CTSW: variants seen among roughly 807,000 people sequenced by gnomAD.
The protein encoded by CTSW is cathepsin W, also known as lymphopain.
CTSW carries 42 observed loss-of-function variants against 43.8 expected under a neutral mutation model. The observed-to-expected ratio is 0.96, with a 90% CI of 0.75 to 1.24. The LOEUF (loss-of-function observed/expected upper bound fraction) is 1.24, where lower values mean the gene tolerates loss of function less well. CTSW is among the 50% of genes most tolerant of loss of function. The probability of loss-of-function intolerance (pLI) is 0.00; values close to 1 mark genes in which losing one functional copy is unlikely to be tolerated. For synonymous variants in CTSW, 191 were observed against 184.8 expected (o/e 1.03, Z -0.27); for missense variants, 475 against 479.9 (o/e 0.99, Z 0.09).
chr11:65,883,391 GA>G lies in CTSW; in HGVS notation c.989del (p.Lys330ArgfsTer39), dbSNP rs1565279140. The G allele has an allele frequency of 6.2e-7, 1 of 1,614,080 alleles. No individual in the cohort carries two copies. ...PPHPTPYWIL[K>X]NSWGAQWGEK... is the part of the protein sequence containing the mutation. ...CACACCCCACCCCATACTGGATCCT[GA>G]AGAACTCCTGGGGGGCCCAATGGGG... On this transcript the variant is annotated frameshift_variant, in exon 9 of 10. Transcript: ENST00000307886. LOFTEE classifies it low-confidence loss of function (END_TRUNC).
intron 5 of CTSW, 33 bp from the exon 6 acceptor site, chr11:65,882,576 C>A: frequency 6.2e-7 from 1 of 1,614,114 alleles, no homozygotes; most frequent in Non-Finnish European, 8.5e-7. Context: ...GGCCTAGGGG[C>A]CTGGTCACCC....
In CTSW at chr11:65,883,541, T is replaced by C. The variant is rs778018510; in HGVS notation, c.1054T>C (p.Cys352Arg). 7.4e-6 allele frequency: 12 copies of C among 1,614,080 alleles called. No individual in the cohort carries two copies. In the Admixed American group the frequency reaches 1.5e-4, roughly 20 times the overall value. Residue 352 changes from cysteine to arginine, a missense_variant, in exon 10 of 10, where the codon TGT becomes CGT. Transcript: ENST00000307886. Reference sequence around the variant, plus strand: ...CCGGCTGCACCGAGGGAGCAATACCTGTGGCATCACCAAGTTCCCGCTCAC... The same window carrying C: ...CCGGCTGCACCGAGGGAGCAATACCCGTGGCATCACCAAGTTCCCGCTCAC... ...YFRLHRGSNT[C>R]GITKFPLTAR...
chr11:65,883,183 A>C, intron 8 of CTSW, 32 bp from the exon 9 acceptor site: 3 of 1,613,578 alleles, frequency 1.9e-6, no homozygotes, highest in Non-Finnish European at 2.5e-6. Context: ...ACTTGGCCCC[A>C]CACTCAGCCC....
At chr11:65,881,911 G>A (rs1860110589) in intron 3 of CTSW, among the ~76,000 whole-genome samples, 2 of 152,214 alleles carry the variant, frequency 1.3e-5, no homozygotes, top group African/African-American at 4.8e-5. Flanking sequence ...AGCCTTCTAA[G>A]TAGCTGGGGC....
rs755545965 is a variant in CTSW at position 65,879,958 on chromosome 11, C to A, written c.87+17C>A. 1.2e-6 allele frequency: 2 copies of A among 1,601,278 alleles called. No individual in the cohort carries two copies. On this transcript the variant is annotated intron_variant, in intron 1 of 9. Coordinates refer to ENST00000307886, the MANE Select transcript of CTSW (RefSeq NM_001335.4). Reference sequence around the variant, plus strand: ...AGGGCCCAGGTAAGTGCTCCCAAACCCTTACCTATGCCAGTCCCACGCCTG... The same window carrying A: ...AGGGCCCAGGTAAGTGCTCCCAAACACTTACCTATGCCAGTCCCACGCCTG...
In CTSW at chr11:65,882,724, A is replaced by AG. The variant is rs772977511; in HGVS notation, c.619+40dup. On this transcript the variant is annotated intron_variant, in intron 6 of 9. Coordinates refer to ENST00000307886, the MANE Select transcript of CTSW (RefSeq NM_001335.4). ...CTGCCCCGCCACTCTGGACATCTGC[A>AG]GGGGGACAGGGTGGGCAGGAGCGGA... 3.1e-6 allele frequency: 5 copies of AG among 1,614,030 alleles called. No individual in the cohort carries two copies. In the East Asian group the frequency reaches 8.9e-5, roughly 29 times the overall value.
At chr11:65,881,374 G>C in intron 2 of CTSW, 33 bp from the exon 3 acceptor site, 1 of 1,493,230 alleles carries the variant, frequency 6.7e-7, no homozygotes, top group South Asian at 1.2e-5. Context: ...AAGGGCTTGG[G>C]AGTCAGCCTA....
rs1413276270 is a variant in CTSW, at chr11:65,882,542, G to A, written c.538+16G>A. On this transcript the variant is annotated intron_variant, in intron 5 of 9. Transcript: ENST00000307886. ...TCCGTGCAGGGTAGGGTTGGGAGAG[G>A]GTGCGCGTGTGACAGGGGAGGGAGG... 6.2e-7 allele frequency: 1 copy of A among 1,614,002 alleles called. No homozygotes were observed. The highest frequency in any genetic ancestry group is 8.5e-7 in the Non-Finnish European group (1 of 1,179,976).
At chr11:65,881,874 AGAC>A (rs1361295471) in intron 3 of CTSW, among the ~76,000 whole-genome samples, 2 of 152,142 alleles carry the variant, frequency 1.3e-5, no homozygotes, top group Non-Finnish European at 2.9e-5. Context: ...TCCACCTCCT[AGAC>A]TCAAGCAATT....
At position 65,882,692 on chromosome 11, in the gene CTSW, G is replaced by A. The variant is rs959247627; in HGVS notation, c.619+3G>A. On this transcript the variant is annotated splice_donor_region_variant and intron_variant, in intron 6 of 9. Transcript: ENST00000307886. ...GTTCATAACTGTCCTCAACAACAGTGAGTGCACTGCCCCGCCACTCTGGAC... is the reference window on the plus strand; with the variant it reads ...GTTCATAACTGTCCTCAACAACAGTAAGTGCACTGCCCCGCCACTCTGGAC... 9.9e-6 allele frequency: 16 copies of A among 1,613,834 alleles called. No homozygotes were observed. The highest frequency in any genetic ancestry group is 1.3e-5 in the African/African-American group (1 of 74,916).
At chr11:65,880,108 C>A (rs1860087344) in intron 1 of CTSW, 94 bp from the exon 2 acceptor site, 26 of 1,299,648 alleles carry the variant, frequency 2.0e-5, no homozygotes, top group Non-Finnish European at 2.2e-6. Context: ...CTGGCTGACC[C>A]CTAGCCCAGT....
At chr11:65,882,388 C>A in intron 4 of CTSW, 42 bp from the exon 5 acceptor site, 1 of 1,613,462 alleles carries the variant, frequency 6.2e-7, no homozygotes. Context: ...GAGAGGGGCA[C>A]GGCCCGAACA....
chr11:65,879,878 C>T lies in CTSW; in HGVS notation c.24C>T (p.Ser8=), dbSNP rs748650810. 5 of 1,613,766 alleles carry T rather than the reference C, an allele frequency of 3.1e-6. 1 individual carries two copies. The highest frequency in any genetic ancestry group is 4.2e-6 in the Non-Finnish European group (5 of 1,179,946). Residue 8 remains serine, a synonymous_variant, in exon 1 of 10, where the codon TCC becomes TCT. Coordinates refer to ENST00000307886, the MANE Select transcript of CTSW (RefSeq NM_001335.4). ...GCATGGCACTGACTGCCCACCCCTC[C>T]TGCCTCCTGGCCCTGTTGGTGGCAG... MALTAHP[S]CLLALLVAGL...
At chr11:65,881,138 T>C (rs1486438758) in intron 2 of CTSW, among the ~76,000 whole-genome samples, 2 of 152,160 alleles carry the variant, frequency 1.3e-5, no homozygotes, top group Admixed American at 6.5e-5. Context: ...CCACACATCC[T>C]TGAGTCACCA....
At chr11:65,880,482 G>C in intron 2 of CTSW, 196 bp downstream of exon 2, 1 of 450,450 alleles carries the variant, frequency 2.2e-6, no homozygotes, top group South Asian at 2.1e-5. Flanking sequence ...CACCACACTT[G>C]GCTAACCTTT....
intron 3 of CTSW, 68 bp from the exon 4 acceptor site, chr11:65,882,107 G>C: frequency 6.4e-7 from 1 of 1,570,278 alleles, no homozygotes; most frequent in Non-Finnish European, 8.7e-7. Flanking sequence ...CCAACAGCTG[G>C]AGTGGGAGAG....
At chr11:65,880,002 C>A in intron 1 of CTSW, 61 bp downstream of exon 1, 1 of 1,441,014 alleles carries the variant, frequency 6.9e-7, no homozygotes, top group Non-Finnish European at 9.6e-7. Flanking sequence ...CCTTCAGAAA[C>A]AGCTGGCCTG....
At position 65,883,140 on chromosome 11, in the gene CTSW, T is replaced by C. The variant is rs556380246; in HGVS notation, c.810+7T>C. On this transcript the variant is annotated splice_region_variant and intron_variant, in intron 8 of 9. Coordinates refer to ENST00000307886, the MANE Select transcript of CTSW (RefSeq NM_001335.4). ...CAACATGAAGCCCCTTCAGGTGAGATGGGGGAGCTGATGGGGAAGGGGCAT... is the reference window on the plus strand; with the variant it reads ...CAACATGAAGCCCCTTCAGGTGAGACGGGGGAGCTGATGGGGAAGGGGCAT... The C allele has an allele frequency of 4.3e-5, 70 of 1,613,884 alleles. No homozygotes were observed. Among genetic ancestry groups the C allele is most frequent in the South Asian group, 4.1e-4 (37 of 91,072 alleles).
Position 65,883,703 on chromosome 11 carries a change from A to T in CTSW, c.*85A>T. 8.3e-7 allele frequency: 1 copy of T among 1,208,716 alleles called. No individual in the cohort carries two copies. The highest frequency in any genetic ancestry group is 1.2e-6 in the Non-Finnish European group (1 of 829,806). 74.9% of individuals were successfully genotyped at this position (1,208,716 alleles called of 1,614,324 possible). On this transcript the variant is annotated 3_prime_UTR_variant, in exon 10 of 10. Coordinates refer to ENST00000307886, the MANE Select transcript of CTSW (RefSeq NM_001335.4). Reference sequence around the variant, plus strand: ...CCCCAGGTTTTTGCCCATCCTCCCAATCTCAATACAGCCTGAATAAACCAA... The same window carrying T: ...CCCCAGGTTTTTGCCCATCCTCCCATTCTCAATACAGCCTGAATAAACCAA...
Sources: allele counts gnomAD v4.1 joint callset (sites outside exome capture counted in the v4.1 genomes callset), GRCh38; gene constraint gnomAD v4.1.1; transcripts MANE v1.5; gene names NCBI Gene and HGNC (gene_info 2026-07-23, HGNC 2026-07-21).